The following CSMD1 variants were observed in gnomAD, a reference collection of about 807,000 sequenced individuals.
CSMD1 encodes CUB and sushi domain-containing protein 1.
In CSMD1, 213 loss-of-function variants were observed where a neutral mutation model predicts 417.5. The observed-to-expected ratio is 0.51, with a 90% confidence interval of 0.46 to 0.57. The LOEUF is 0.57. Ranked by LOEUF, CSMD1 falls within the 20% of genes least tolerant of loss-of-function variation. CSMD1 has a pLI of 0.00. For synonymous variants in CSMD1, 2,862 were observed against 1,736.8 expected (o/e 1.65, Z -16.11); for missense variants, 6,923 against 4,529.7 (o/e 1.53, Z -15.17).
intron 3 of CSMD1, among the ~76,000 whole-genome samples, chr8:4,127,503 A>C (rs1301072568): frequency 6.6e-6 from 1 of 150,788 alleles, no homozygotes; most frequent in African/African-American, 2.4e-5. Context: ...ACTAACTTCA[A>C]CTGCAGACTT....
At chr8:4,004,343 G>C (rs1235941457) in intron 4 of CSMD1, among the ~76,000 whole-genome samples, 2 of 151,386 alleles carry the variant, frequency 1.3e-5, no homozygotes, top group African/African-American at 2.4e-5. Context: ...TTCTGAGAGA[G>C]TATATCCACA....
At chr8:4,441,259 AG>A (rs1798461472) in intron 2 of CSMD1, among the ~76,000 whole-genome samples, 1 of 106,328 alleles carries the variant, frequency 9.4e-6, no homozygotes, top group Non-Finnish European at 1.9e-5. Context: ...CACTACACTC[AG>A]TTTTTTTTTT....
intron 49 of CSMD1, among the ~76,000 whole-genome samples, chr8:3,085,674 C>A (rs554317931): frequency 6.6e-6 from 1 of 152,248 alleles, no homozygotes; most frequent in East Asian, 1.9e-4. Flanking sequence ...TGTGGGGAGG[C>A]CATGGGAGAA....
intron 54 of CSMD1, among the ~76,000 whole-genome samples, chr8:2,993,284 G>C (rs1480506596): frequency 1.8e-4 from 27 of 152,178 alleles, no homozygotes; most frequent in Admixed American, 1.8e-3. Context: ...CAACAAATGG[G>C]TGTGGATTGC....
chr8:3,566,936 A>G (rs1252330420), intron 10 of CSMD1, among the ~76,000 whole-genome samples: 3 of 152,242 alleles, frequency 2.0e-5, no homozygotes, highest in East Asian at 1.9e-4. Flanking sequence ...TACATACCCA[A>G]AAGAATATAA....
intron 4 of CSMD1, among the ~76,000 whole-genome samples, chr8:4,028,335 G>A (rs768252112): frequency 6.6e-6 from 1 of 151,974 alleles, no homozygotes; most frequent in South Asian, 2.1e-4. Flanking sequence ...TTAATAAAAT[G>A]CCTACTTATG....
At chr8:4,215,170 T>A (rs963619952) in intron 3 of CSMD1, among the ~76,000 whole-genome samples, 1 of 152,162 alleles carries the variant, frequency 6.6e-6, no homozygotes, top group African/African-American at 2.4e-5. Flanking sequence ...CAGGGGCTGA[T>A]AGGGACCTTG....
intron 20 of CSMD1, among the ~76,000 whole-genome samples, chr8:3,360,414 C>T (rs1809083756): frequency 6.6e-6 from 1 of 152,192 alleles, no homozygotes; most frequent in African/African-American, 2.4e-5. Context: ...CCTCTTGGTC[C>T]ATTATCAAGT....
At chr8:3,511,365 A>G (rs751051858) in intron 10 of CSMD1, among the ~76,000 whole-genome samples, 47 of 134,380 alleles carry the variant, frequency 3.5e-4, no homozygotes, top group Admixed American at 1.0e-3. Context: ...TGTATCCCAG[A>G]ACTTAAAGTA....
rs74557663 is a variant in CSMD1, at chr8:3,386,106, C to G, written c.2782+1388G>C. On this transcript the variant is annotated intron_variant, in intron 18 of 69. Transcript: ENST00000635120. The stretch of plus-strand genomic sequence containing the variant: ...TGTCTAAATTACCTTGGTGCTTACA[C>G]CATATTCCCTAGACAAATGGAGTTG... Among the ~76,000 whole-genome samples the G allele has an allele frequency of 8.1e-3, 1,230 of 152,252 alleles. 29 individuals carry two copies. The highest frequency in any genetic ancestry group is 0.028 in the African/African-American group (1,176 of 41,548).
chr8:3,097,746 A>T (rs1815419736), intron 46 of CSMD1, among the ~76,000 whole-genome samples: 2 of 152,252 alleles, frequency 1.3e-5, no homozygotes, highest in East Asian at 1.9e-4. Context: ...TGCAGAATGG[A>T]AAACCTCGGA....
chr8:3,832,771 T>G (rs764720214), intron 5 of CSMD1, among the ~76,000 whole-genome samples: 1 of 152,158 alleles, frequency 6.6e-6, no homozygotes, highest in Non-Finnish European at 1.5e-5. Context: ...GATTTTTAAC[T>G]TTCCATCTGA....
chr8:4,678,116 T>A (rs904700552), intron 1 of CSMD1, among the ~76,000 whole-genome samples: 8 of 152,134 alleles, frequency 5.3e-5, no homozygotes, highest in African/African-American at 1.7e-4. Context: ...AGCAAAACAG[T>A]CTAAAAAGAA....
chr8:3,731,856 T>C (rs1796281777), intron 6 of CSMD1, among the ~76,000 whole-genome samples: 1 of 152,174 alleles, frequency 6.6e-6, no homozygotes, highest in South Asian at 2.1e-4. Flanking sequence ...TCATTATCAC[T>C]GCTTTATAAA....
chr8:3,693,165 G>A (rs1272403604), intron 7 of CSMD1, among the ~76,000 whole-genome samples: 1 of 152,156 alleles, frequency 6.6e-6, no homozygotes, highest in East Asian at 1.9e-4. Context: ...ATTTGCTATA[G>A]TGAGTAAAAT....
At chr8:4,407,575 A>G (rs1156625020) in intron 3 of CSMD1, among the ~76,000 whole-genome samples, 2 of 152,222 alleles carry the variant, frequency 1.3e-5, no homozygotes, top group South Asian at 2.1e-4. Context: ...GTATAAATGA[A>G]ATGATACCTC....
chr8:3,572,019 C>T (rs1273313881), intron 10 of CSMD1, among the ~76,000 whole-genome samples: 1 of 152,110 alleles, frequency 6.6e-6, no homozygotes, highest in East Asian at 1.9e-4. Context: ...CTTCAAAAGA[C>T]GCGAAAGAAG....
At chr8:3,331,718 G>A (rs574418927) in intron 23 of CSMD1, among the ~76,000 whole-genome samples, 153 of 152,136 alleles carry the variant, frequency 1.0e-3, no homozygotes, top group Non-Finnish European at 1.9e-3. Flanking sequence ...TTTCTCTTGC[G>A]TATGTACCTG....
intron 1 of CSMD1, among the ~76,000 whole-genome samples, chr8:4,721,340 C>G (rs999063406): frequency 3.3e-5 from 5 of 152,078 alleles, no homozygotes; most frequent in African/African-American, 1.2e-4. Flanking sequence ...AGAACAATCT[C>G]TTTTTATTCT....
Sources: gnomAD v4.1 joint callset for allele counts (sites outside exome capture counted in the v4.1 genomes callset) on GRCh38, gnomAD v4.1.1 for gene constraint, MANE v1.5 for transcripts, NCBI Gene and HGNC (gene_info 2026-07-23, HGNC 2026-07-21) for gene names.